SHISA6: variants seen among roughly 807,000 people sequenced by gnomAD.
SHISA6 encodes shisa family member 6, also known as protein shisa-6.
Under a neutral mutation model 47.9 loss-of-function variants are expected in SHISA6, and 22 were observed. The ratio of observed to expected loss-of-function variants is 0.46; its 90% CI spans 0.33 to 0.66. The LOEUF (loss-of-function observed/expected upper bound fraction) is 0.66, where lower values mean the gene tolerates loss of function less well. Ranked by LOEUF, SHISA6 falls within the 30% of genes least tolerant of loss-of-function variation. The probability of loss-of-function intolerance (pLI) is 0.02; values close to 1 mark genes in which losing one functional copy is unlikely to be tolerated. For missense variants in SHISA6, 680 were observed against 764.6 expected, an observed-to-expected ratio of 0.89 and a Z score of 1.30; for synonymous variants, 388 against 337.8, an observed-to-expected ratio of 1.15 and a Z score of -1.63.
At chr17:11,450,125 T>C (rs1247679833) in intron 3 of SHISA6, among the ~76,000 whole-genome samples, 1 of 151,982 alleles carries the variant, frequency 6.6e-6, no homozygotes, top group African/African-American at 2.4e-5. Context: ...GACCTCGTGA[T>C]CCACCCGCCT....
chr17:11,457,740 C>CAAAAAAA (rs56835775), intron 3 of SHISA6, among the ~76,000 whole-genome samples: 1 of 101,858 alleles, frequency 9.8e-6, no homozygotes, highest in Admixed American at 1.1e-4. Context: ...GACTCAGTCT[C>CAAAAAAA]AAAAAAAAAA....
chr17:11,308,764 C>G (rs910692706), intron 2 of SHISA6, among the ~76,000 whole-genome samples: 1 of 152,130 alleles, frequency 6.6e-6, no homozygotes, highest in Non-Finnish European at 1.5e-5. Flanking sequence ...TCTCCATGCT[C>G]GGTGGCTGCG....
rs774039059 is a variant in SHISA6 at position 11,263,350 on chromosome 17, TCTC to T, written c.639-10_639-8del. ...CTGCTCAGTGAATCTCATTATGTGA[TCTC>T]CTCCTTGTTTAGGGCTCTGGCTGAC... On this transcript the variant is annotated splice_polypyrimidine_tract_variant and intron_variant, in intron 1 of 5. Coordinates refer to ENST00000441885, the MANE Select transcript of SHISA6 (RefSeq NM_207386.4). 8.4e-6 allele frequency: 13 copies of T among 1,551,736 alleles called. No homozygotes were observed. Among genetic ancestry groups the T allele is most frequent in the Non-Finnish European group, 1.1e-5 (13 of 1,146,868 alleles).
intron 3 of SHISA6, among the ~76,000 whole-genome samples, chr17:11,543,992 A>G (rs2071858289): frequency 6.6e-6 from 1 of 150,884 alleles, no homozygotes; most frequent in African/African-American, 2.4e-5. Flanking sequence ...TAGATCAGGT[A>G]TTTACAATTG....
chr17:11,299,752 T>C (rs888536559), intron 2 of SHISA6, among the ~76,000 whole-genome samples: 1 of 152,168 alleles, frequency 6.6e-6, no homozygotes, highest in Non-Finnish European at 1.5e-5. Context: ...TGTCCACTTA[T>C]AAGGATCCCG....
intron 3 of SHISA6, among the ~76,000 whole-genome samples, chr17:11,387,472 G>A (rs1264702997): frequency 2.0e-5 from 3 of 152,076 alleles, no homozygotes; most frequent in Non-Finnish European, 4.4e-5. Flanking sequence ...GGGGCTGGAG[G>A]GATTCTAGAC....
intron 3 of SHISA6, among the ~76,000 whole-genome samples, chr17:11,403,339 A>G (rs1278051555): frequency 6.6e-6 from 1 of 152,174 alleles, no homozygotes; most frequent in Non-Finnish European, 1.5e-5. Context: ...ATGGATGCAA[A>G]TACTACCACA....
At chr17:11,244,578 G>A (rs1298509816) in intron 1 of SHISA6, among the ~76,000 whole-genome samples, 1 of 152,046 alleles carries the variant, frequency 6.6e-6, no homozygotes, top group Non-Finnish European at 1.5e-5. Context: ...TGCCATTCTG[G>A]GGAGTATTTT....
chr17:11,303,612 A>G (rs1337521939), intron 2 of SHISA6, among the ~76,000 whole-genome samples: 1 of 152,110 alleles, frequency 6.6e-6, no homozygotes, highest in African/African-American at 2.4e-5. Flanking sequence ...GCCACACAGA[A>G]AAAGGCCACA....
rs572585343 is a variant in SHISA6, at chr17:11,558,320, C to G, written c.*16C>G. The stretch of plus-strand genomic sequence containing the variant: ...GACCGTGTGACCGGCGGGGCAGGGC[C>G]GGGGCTGCTGGGCGTGGCAGAGCAG... On this transcript the variant is annotated 3_prime_UTR_variant, in exon 6 of 6. Coordinates refer to ENST00000441885, the MANE Select transcript of SHISA6 (RefSeq NM_207386.4). The G allele has an allele frequency of 2.6e-6, 4 of 1,534,036 alleles. No homozygotes were observed. The highest frequency in any genetic ancestry group is 2.4e-5 in the South Asian group (2 of 83,526).
intron 2 of SHISA6, among the ~76,000 whole-genome samples, chr17:11,316,697 G>C (rs191535962): frequency 2.0e-5 from 3 of 152,000 alleles, no homozygotes; most frequent in Non-Finnish European, 4.4e-5. Flanking sequence ...TGGGATTATA[G>C]GAGTGAGCTA....
At chr17:11,447,882 G>C (rs968040368) in intron 3 of SHISA6, among the ~76,000 whole-genome samples, 1 of 152,202 alleles carries the variant, frequency 6.6e-6, no homozygotes, top group Non-Finnish European at 1.5e-5. Flanking sequence ...ATAAGCCAGT[G>C]GAAGCTTGTC....
intron 1 of SHISA6, among the ~76,000 whole-genome samples, chr17:11,261,642 C>CTGATACCTG (rs1403584610): frequency 6.6e-6 from 1 of 152,178 alleles, no homozygotes; most frequent in Non-Finnish European, 1.5e-5. Flanking sequence ...TATCAGTATG[C>CTGATACCTG]CTTTTTTAAA....
At chr17:11,395,474 G>A (rs1417268888) in intron 3 of SHISA6, among the ~76,000 whole-genome samples, 1 of 150,066 alleles carries the variant, frequency 6.7e-6, no homozygotes, top group Admixed American at 6.6e-5. Context: ...TGGCATCCTA[G>A]GTATGCTATC....
intron 3 of SHISA6, among the ~76,000 whole-genome samples, chr17:11,515,769 G>A (rs183992688): frequency 5.3e-5 from 8 of 152,288 alleles, no homozygotes; most frequent in Admixed American, 4.6e-4. Context: ...CTTCCCAGGA[G>A]CGCAAGGGTA....
intron 2 of SHISA6, among the ~76,000 whole-genome samples, chr17:11,309,154 G>A (rs1910233724): frequency 6.6e-6 from 1 of 151,916 alleles, no homozygotes. Flanking sequence ...TTTTAGAGAT[G>A]GGGTCTTGCT....
intron 3 of SHISA6, among the ~76,000 whole-genome samples, chr17:11,462,364 T>A (rs1168140844): frequency 2.0e-5 from 3 of 152,144 alleles, no homozygotes; most frequent in Non-Finnish European, 4.4e-5. Context: ...GACCACAGAT[T>A]CTCATCTTAT....
intron 3 of SHISA6, among the ~76,000 whole-genome samples, chr17:11,502,753 A>G (rs919238651): frequency 7.9e-5 from 12 of 152,192 alleles, no homozygotes; most frequent in Admixed American, 2.6e-4. Flanking sequence ...AATAAAAAAT[A>G]TCCTGTTTGG....
chr17:11,310,574 A>C (rs1910286936), intron 2 of SHISA6, among the ~76,000 whole-genome samples: 1 of 152,176 alleles, frequency 6.6e-6, no homozygotes, highest in Non-Finnish European at 1.5e-5. Context: ...CCATCATGAA[A>C]GACCTCGTGG....
Sources: gnomAD v4.1 joint callset for allele counts (sites outside exome capture counted in the v4.1 genomes callset) on GRCh38, gnomAD v4.1.1 for gene constraint, MANE v1.5 for transcripts, NCBI Gene and HGNC (gene_info 2026-07-23, HGNC 2026-07-21) for gene names.